SLC75A1: variants seen among roughly 807,000 people sequenced by gnomAD.
SLC75A1 encodes major facilitator superfamily domain containing 10.
chr4:2,932,078 CA>C, the SLC75A1 span: 1 of 1,611,046 alleles, frequency 6.2e-7, no homozygotes. Context: ...CCACGAGCGA[CA>C]GCCGAGAAGC....
At chr4:2,933,898 C>T in the SLC75A1 span, 1 of 1,572,224 alleles carries the variant, frequency 6.4e-7, no homozygotes, top group Middle Eastern at 2.0e-4. Context: ...GCGCGGGGTG[C>T]AGCCTCCACC....
At chr4:2,933,061 G>A in the SLC75A1 span, 1 of 1,573,350 alleles carries the variant, frequency 6.4e-7, no homozygotes, top group Non-Finnish European at 8.7e-7. Context: ...CTACTGGCTG[G>A]GTGGGAGGAG....
the SLC75A1 span, chr4:2,932,641 C>CGATGGCCGTGGAGAG: frequency 6.2e-7 from 1 of 1,613,082 alleles, no homozygotes; most frequent in African/African-American, 1.3e-5. Flanking sequence ...AGGTCAGCAA[C>CGATGGCCGTGGAGAG]GATGGCCGTG....
At chr4:2,932,909 G>T in the SLC75A1 span, 1 of 1,099,836 alleles carries the variant, frequency 9.1e-7, no homozygotes, top group Non-Finnish European at 1.3e-6. Flanking sequence ...CTTCCTAGGG[G>T]CCAGGAGCAG....
At chr4:2,933,295 C>T in the SLC75A1 span, 4 of 1,327,122 alleles carry the variant, frequency 3.0e-6, no homozygotes, top group South Asian at 5.1e-5. Context: ...CCAGCCCCGT[C>T]CTGAGGGTCC....
the SLC75A1 span, chr4:2,931,383 T>G: frequency 1.3e-6 from 2 of 1,548,472 alleles, no homozygotes; most frequent in Non-Finnish European, 1.7e-6. Context: ...ACCAAAGGAG[T>G]AGAGCAGCAG....
chr4:2,930,811 G>A, the SLC75A1 span: 3 of 1,611,280 alleles, frequency 1.9e-6, no homozygotes, highest in Middle Eastern at 1.7e-4. Flanking sequence ...TCTGCCTGGT[G>A]CCCACAGCCT....
the SLC75A1 span, chr4:2,930,657 G>C: frequency 3.1e-6 from 2 of 637,992 alleles, no homozygotes; most frequent in Non-Finnish European, 5.5e-6. Context: ...GAGTGCTGCA[G>C]CTCGGAGTCA....
At chr4:2,931,907 C>G in the SLC75A1 span, 1 of 1,611,122 alleles carries the variant, frequency 6.2e-7, no homozygotes, top group Non-Finnish European at 8.5e-7. Flanking sequence ...AGGAAGTAGA[C>G]TAGGCCCAGG....
chr4:2,933,071 G>A, the SLC75A1 span: 2 of 1,599,784 alleles, frequency 1.3e-6, no homozygotes, highest in Non-Finnish European at 1.7e-6. Context: ...GGTGGGAGGA[G>A]GCTTCCCCAT....
chr4:2,934,718 C>T, the SLC75A1 span: 1 of 120,628 alleles, frequency 8.3e-6, no homozygotes, highest in African/African-American at 3.2e-5. Context: ...ACCCCCAACC[C>T]GAGCGCCCCC....
chr4:2,932,005 G>A, the SLC75A1 span: 1 of 1,606,278 alleles, frequency 6.2e-7, no homozygotes. Context: ...GGAAGCCCAG[G>A]GGAGAGCAGG....
chr4:2,933,349 G>T, the SLC75A1 span: 3 of 988,826 alleles, frequency 3.0e-6, no homozygotes, highest in African/African-American at 4.9e-5. Flanking sequence ...CCCTTGAGCC[G>T]AGGGGGCCCC....
chr4:2,930,624 A>T, the SLC75A1 span: 1 of 596,372 alleles, frequency 1.7e-6, no homozygotes, highest in South Asian at 2.1e-5. Context: ...TTTAAAAAAC[A>T]AACAGAAGCC....
At chr4:2,933,750 C>CA in the SLC75A1 span, 1 of 1,601,560 alleles carries the variant, frequency 6.2e-7, no homozygotes, top group Non-Finnish European at 8.5e-7. Context: ...GGCAAGGACT[C>CA]ACGTGGGCAC....
At chr4:2,933,136 C>T in the SLC75A1 span, 3 of 1,613,652 alleles carry the variant, frequency 1.9e-6, no homozygotes, top group South Asian at 3.3e-5. Context: ...GGCGCCTCCC[C>T]AAGCAGTCAG....
the SLC75A1 span, chr4:2,932,194 G>A: frequency 6.1e-4 from 959 of 1,572,254 alleles, 7 homozygotes; most frequent in African/African-American, 0.01. Flanking sequence ...AGCGGCTGCT[G>A]GCCTGGCAAC....
the SLC75A1 span, chr4:2,931,892 G>C: frequency 6.2e-7 from 1 of 1,611,554 alleles, no homozygotes; most frequent in Non-Finnish European, 8.5e-7. Context: ...AACAGGAAGA[G>C]GTAGAGGAAG....
chr4:2,932,496 G>C, the SLC75A1 span: 2 of 1,613,662 alleles, frequency 1.2e-6, no homozygotes, highest in East Asian at 2.2e-5. Context: ...CAGTGAGAAG[G>C]CCACCCCAAT....
Sources: allele counts gnomAD v4.1 joint callset, GRCh38; gene constraint gnomAD v4.1.1; transcripts MANE v1.5; gene names NCBI Gene and HGNC (gene_info 2026-07-23, HGNC 2026-07-21).